LRRFIP2: variants seen among roughly 807,000 people sequenced by gnomAD.
LRRFIP2 encodes the protein leucine-rich repeat flightless-interacting protein 2.
LRRFIP2 carries 109 observed loss-of-function variants against 125.9 expected under a neutral mutation model. The ratio of observed to expected loss-of-function variants is 0.87; its 90% CI spans 0.74 to 1.01. The LOEUF (loss-of-function observed/expected upper bound fraction) is 1.01, where lower values mean the gene tolerates loss of function less well. Among genes scored for constraint, LRRFIP2 ranks in the 50% least tolerant of loss-of-function variants. LRRFIP2 has a pLI of 0.00. For missense variants in LRRFIP2, 850 were observed against 862.3 expected, an observed-to-expected ratio of 0.99 and a Z score of 0.18; for synonymous variants, 291 against 293.1, an observed-to-expected ratio of 0.99 and a Z score of 0.07.
chr3:37,142,817 A>T (rs919218409), intron 2 of LRRFIP2, among the ~76,000 whole-genome samples: 2 of 152,222 alleles, frequency 1.3e-5, no homozygotes, highest in African/African-American at 4.8e-5. Flanking sequence ...CAACTTCTCA[A>T]GAGTATCACC....
chr3:37,087,973 C>A (rs1466349065), intron 18 of LRRFIP2, among the ~76,000 whole-genome samples: 1 of 152,170 alleles, frequency 6.6e-6, no homozygotes, highest in African/African-American at 2.4e-5. Flanking sequence ...GGTAAAAATG[C>A]AAATTTCCAA....
chr3:37,127,705 C>A, intron 3 of LRRFIP2, 25 bp from the exon 4 acceptor site: 1 of 1,591,178 alleles, frequency 6.3e-7, no homozygotes, highest in Non-Finnish European at 8.6e-7. Flanking sequence ...ATTTCATAAA[C>A]CAAATAGTTT....
chr3:37,164,460 G>A (rs966505859), intron 1 of LRRFIP2, among the ~76,000 whole-genome samples: 4 of 152,166 alleles, frequency 2.6e-5, no homozygotes, highest in African/African-American at 9.7e-5. Flanking sequence ...GCTCATGCCT[G>A]TAATTCCAGC....
chr3:37,121,693 T>C lies in LRRFIP2; in HGVS notation c.229-2A>G. On this transcript the variant is annotated splice_acceptor_variant, in intron 4 of 27. Transcript: ENST00000336686. LOFTEE classifies it high-confidence loss of function. ...ATACCTGGCCCTTTCCGAATCTTCCTGGGAAAGGAGAAAGTACATGGAGAG... is the reference window on the plus strand; with the variant it reads ...ATACCTGGCCCTTTCCGAATCTTCCCGGGAAAGGAGAAAGTACATGGAGAG... The C allele has an allele frequency of 6.2e-7, 1 of 1,613,986 alleles. No individual in the cohort carries two copies. Among genetic ancestry groups the C allele is most frequent in the Non-Finnish European group, 8.5e-7 (1 of 1,179,898 alleles).
At chr3:37,173,962 C>T (rs2096621373) in intron 1 of LRRFIP2, among the ~76,000 whole-genome samples, 3 of 152,210 alleles carry the variant, frequency 2.0e-5, no homozygotes, top group South Asian at 2.1e-4. Flanking sequence ...CTGTCAGTTA[C>T]GGTGATTTCC....
rs112209421 is a variant in LRRFIP2 at position 37,122,164 on chromosome 3, G to A, written c.229-473C>T. Among the ~76,000 whole-genome samples the A allele has an allele frequency of 2.2e-3, 317 of 147,038 alleles. 1 individual carries two copies. The highest frequency in any genetic ancestry group is 6.5e-3 in the African/African-American group (257 of 39,550). ...TTCCCACCTATGAGTGAGAACACGC[G>A]GCGTTTGGTTTTTTGTCCTTGCGAC... On this transcript the variant is annotated intron_variant, in intron 4 of 27. Coordinates refer to ENST00000336686, the MANE Select transcript of LRRFIP2 (RefSeq NM_006309.4).
intron 25 of LRRFIP2, among the ~76,000 whole-genome samples, chr3:37,056,602 C>T (rs1291606875): frequency 2.0e-5 from 3 of 151,974 alleles, no homozygotes; most frequent in Non-Finnish European, 4.4e-5. Flanking sequence ...TACAGGCACC[C>T]GCCACCATGC....
At chr3:37,082,401 G>A (rs934173675) in intron 19 of LRRFIP2, among the ~76,000 whole-genome samples, 4 of 152,124 alleles carry the variant, frequency 2.6e-5, no homozygotes, top group African/African-American at 7.2e-5. Flanking sequence ...GTAAAATTAT[G>A]TTTAAAGTAC....
chr3:37,160,341 G>A (rs1259823980), intron 1 of LRRFIP2, among the ~76,000 whole-genome samples: 1 of 152,146 alleles, frequency 6.6e-6, no homozygotes, highest in African/African-American at 2.4e-5. Context: ...CAAGAAGTCT[G>A]TGAAAACCCA....
chr3:37,108,726 G>A, intron 11 of LRRFIP2, 42 bp from the exon 12 acceptor site: 1 of 1,537,256 alleles, frequency 6.5e-7, no homozygotes, highest in Non-Finnish European at 9.0e-7. Context: ...TTAGCTTCAA[G>A]GTTGTTTTGA....
intron 1 of LRRFIP2, among the ~76,000 whole-genome samples, chr3:37,162,646 G>A (rs1244715114): frequency 6.6e-6 from 1 of 152,118 alleles, no homozygotes; most frequent in African/African-American, 2.4e-5. Flanking sequence ...CAACAGAGAG[G>A]GAAACTTAGC....
chr3:37,054,315 C>T, intron 27 of LRRFIP2, 96 bp downstream of exon 27: 1 of 1,006,996 alleles, frequency 9.9e-7, no homozygotes, highest in Non-Finnish European at 1.5e-6. Flanking sequence ...CTGCTGTTTC[C>T]TTAAGTATCA....
chr3:37,105,834 G>C (rs757003221), intron 13 of LRRFIP2, among the ~76,000 whole-genome samples: 37 of 152,222 alleles, frequency 2.4e-4, no homozygotes, highest in Non-Finnish European at 4.4e-4. Context: ...GGAGGCCAAG[G>C]TGGGTGGATT....
intron 15 of LRRFIP2, among the ~76,000 whole-genome samples, chr3:37,100,334 AT>A (rs2093953272): frequency 6.6e-6 from 1 of 152,052 alleles, no homozygotes; most frequent in South Asian, 2.1e-4. Flanking sequence ...CTTTAAAAAA[AT>A]ATATGTATGT....
chr3:37,120,785 T>TA (rs71635827), intron 6 of LRRFIP2, among the ~76,000 whole-genome samples: 15 of 151,324 alleles, frequency 9.9e-5, no homozygotes, highest in Admixed American at 8.5e-4. Flanking sequence ...GCTATTAAAA[T>TA]AAAAAAAATT....
chr3:37,101,682 A>AAAAG (rs1553737791), intron 15 of LRRFIP2, among the ~76,000 whole-genome samples: 4 of 150,128 alleles, frequency 2.7e-5, no homozygotes, highest in Admixed American at 6.6e-5. Context: ...AAAAAAAAAA[A>AAAAG]AAGAAGAAGA....
chr3:37,109,560 A>G lies in LRRFIP2; in HGVS notation c.576T>C (p.Thr192=), dbSNP rs2094474867. ...CACTTCTCAGCAGACCAGAATTTGC[A>G]GTAGGAGAGGCCTAAGAAAAAAGTG... is the stretch of plus-strand genomic sequence containing the variant. ...ATYKSDRASP[T]ANSGLLRSAS... is the part of the protein sequence containing the mutation. Residue 192 remains threonine (T), a synonymous_variant, in exon 11 of 28, where the codon ACT becomes ACC. Transcript: ENST00000336686. The G allele has an allele frequency of 6.2e-7, 1 of 1,613,906 alleles. No homozygotes were observed. Among genetic ancestry groups the G allele is most frequent in the African/African-American group, 1.3e-5 (1 of 74,924 alleles).
At chr3:37,145,364 G>T (rs183491800) in intron 2 of LRRFIP2, among the ~76,000 whole-genome samples, 1 of 152,144 alleles carries the variant, frequency 6.6e-6, no homozygotes, top group South Asian at 2.1e-4. Context: ...TAAAACTTTG[G>T]ATCTGCAATG....
chr3:37,091,037 A>G (rs2093403422), intron 18 of LRRFIP2, among the ~76,000 whole-genome samples: 1 of 152,164 alleles, frequency 6.6e-6, no homozygotes, highest in Non-Finnish European at 1.5e-5. Context: ...TTAATTTTGT[A>G]TGGCTAAGAC....
Sources: allele counts gnomAD v4.1 joint callset (sites outside exome capture counted in the v4.1 genomes callset), GRCh38; gene constraint gnomAD v4.1.1; transcripts MANE v1.5; gene names NCBI Gene and HGNC (gene_info 2026-07-23, HGNC 2026-07-21).